Variants in CNTN3 observed in about 807,000 individuals in gnomAD.
CNTN3 encodes contactin 3.
A neutral mutation model predicts 119.1 loss-of-function variants in CNTN3; 60 were observed. The observed-to-expected ratio is 0.50, with a 90% CI of 0.41 to 0.62. CNTN3 has a LOEUF of 0.62. Ranked by LOEUF, CNTN3 falls within the 20% of genes least tolerant of loss-of-function variation. CNTN3 has a pLI of 0.00. For synonymous variants in CNTN3, 450 were observed against 438.7 expected (o/e 1.03, Z -0.32); for missense variants, 1,101 against 1,242.4 (o/e 0.89, Z 1.71).
At chr3:74,497,234 A>G (rs547878671) in intron 3 of CNTN3, among the ~76,000 whole-genome samples, 59 of 152,138 alleles carry the variant, frequency 3.9e-4, no homozygotes, top group Non-Finnish European at 7.1e-4. Flanking sequence ...TTGAAGGACA[A>G]TAAAAAAATA....
At chr3:74,276,383 A>G (rs918672360) in intron 20 of CNTN3, among the ~76,000 whole-genome samples, 3 of 152,160 alleles carry the variant, frequency 2.0e-5, no homozygotes, top group African/African-American at 7.2e-5. Flanking sequence ...AGACCAAATG[A>G]TAGGCTATGA....
At chr3:74,439,256 T>C (rs745931021) in intron 4 of CNTN3, among the ~76,000 whole-genome samples, 3 of 152,052 alleles carry the variant, frequency 2.0e-5, no homozygotes, top group Non-Finnish European at 4.4e-5. Flanking sequence ...CCTGTAGTCC[T>C]AGCACTTTGG....
chr3:74,601,334 C>T (rs1342640313), intron 1 of CNTN3, among the ~76,000 whole-genome samples: 1 of 151,998 alleles, frequency 6.6e-6, no homozygotes, highest in African/African-American at 2.4e-5. Flanking sequence ...GAATAAGAAG[C>T]ATACAGATTA....
intron 13 of CNTN3, among the ~76,000 whole-genome samples, chr3:74,312,974 T>C (rs1417461456): frequency 1.3e-5 from 2 of 150,130 alleles, no homozygotes; most frequent in South Asian, 2.1e-4. Context: ...AGCAGAGAGA[T>C]AGACATTCTA....
intron 5 of CNTN3, among the ~76,000 whole-genome samples, chr3:74,378,409 T>C (rs35021361): frequency 6.6e-6 from 1 of 152,204 alleles, no homozygotes. Context: ...TTATATATTG[T>C]ATGTTTCTTT....
At chr3:74,546,622 A>C (rs923587309) in intron 1 of CNTN3, among the ~76,000 whole-genome samples, 4 of 151,954 alleles carry the variant, frequency 2.6e-5, no homozygotes, top group African/African-American at 9.7e-5. Flanking sequence ...CAGCCTGTGG[A>C]CTCTTGGACT....
intron 4 of CNTN3, among the ~76,000 whole-genome samples, chr3:74,470,039 A>G (rs1157108357): frequency 6.6e-6 from 1 of 152,220 alleles, no homozygotes; most frequent in African/African-American, 2.4e-5. Flanking sequence ...GGAACGAAGT[A>G]CTGACACATG....
intron 11 of CNTN3, among the ~76,000 whole-genome samples, chr3:74,346,168 T>G (rs1458799791): frequency 6.6e-6 from 1 of 152,148 alleles, no homozygotes; most frequent in Non-Finnish European, 1.5e-5. Context: ...AAGTATAAGT[T>G]TATAAAATTA....
At chr3:74,456,206 GT>G (rs1175803520) in intron 4 of CNTN3, among the ~76,000 whole-genome samples, 1 of 146,374 alleles carries the variant, frequency 6.8e-6, no homozygotes, top group Non-Finnish European at 1.5e-5. Flanking sequence ...TGTTTTACAT[GT>G]GTATATATTA....
chr3:74,365,449 C>T, intron 9 of CNTN3, 117 bp downstream of exon 9: 1 of 1,319,156 alleles, frequency 7.6e-7, no homozygotes, highest in South Asian at 1.2e-5. Context: ...GGAAAGTGTG[C>T]AAACTCAACA....
chr3:74,394,212 C>A (rs1704987445), intron 5 of CNTN3, among the ~76,000 whole-genome samples: 1 of 151,980 alleles, frequency 6.6e-6, no homozygotes, highest in Non-Finnish European at 1.5e-5. Flanking sequence ...AAGGTGAAAA[C>A]TCAAAGGGTA....
At chr3:74,420,945 C>T (rs1280364018) in intron 5 of CNTN3, among the ~76,000 whole-genome samples, 1 of 152,172 alleles carries the variant, frequency 6.6e-6, no homozygotes, top group Non-Finnish European at 1.5e-5. Flanking sequence ...AGCAGGAAGT[C>T]TGGGCTCAAG....
At position 74,301,397 on chromosome 3, in the gene CNTN3, C is replaced by A; in HGVS notation, c.2095+1G>T. The A allele has an allele frequency of 1.9e-6, 3 of 1,613,134 alleles. No homozygotes were observed. Among genetic ancestry groups the A allele is most frequent in the Non-Finnish European group, 2.5e-6 (3 of 1,179,628 alleles). ...CATTACTCAGAAAAAAAAACACTAA[C>A]CTGCCTCTTCAGTTCTTACTTTTTC... On this transcript the variant is annotated splice_donor_variant, in intron 16 of 22. Coordinates refer to ENST00000263665, the MANE Select transcript of CNTN3 (RefSeq NM_020872.3). LOFTEE classifies it high-confidence loss of function.
intron 1 of CNTN3, among the ~76,000 whole-genome samples, chr3:74,611,492 G>A (rs892819395): frequency 6.6e-6 from 1 of 152,132 alleles, no homozygotes; most frequent in Non-Finnish European, 1.5e-5. Flanking sequence ...GAGTGCAGGG[G>A]AGACTATAAG....
intron 11 of CNTN3, among the ~76,000 whole-genome samples, chr3:74,344,355 TCCATCAA>T (rs911152690): frequency 6.7e-6 from 1 of 150,220 alleles, no homozygotes; most frequent in African/African-American, 2.4e-5. Flanking sequence ...TTTATTAATA[TCCATCAA>T]TATTTAAGTA....
intron 2 of CNTN3, among the ~76,000 whole-genome samples, chr3:74,512,667 T>C (rs1703386965): frequency 7.8e-6 from 1 of 127,774 alleles, no homozygotes; most frequent in Admixed American, 9.5e-5. Flanking sequence ...CTGAGTATTC[T>C]CATTTGTTTG....
chr3:74,271,995 A>G (rs1701787111), intron 20 of CNTN3, among the ~76,000 whole-genome samples: 1 of 152,184 alleles, frequency 6.6e-6, no homozygotes. Context: ...TTCGACGTCT[A>G]GGAATTTCCT....
At chr3:74,287,822 T>A (rs1446623578) in intron 19 of CNTN3, among the ~76,000 whole-genome samples, 2 of 152,218 alleles carry the variant, frequency 1.3e-5, no homozygotes, top group Non-Finnish European at 2.9e-5. Flanking sequence ...TGGTATGGAA[T>A]ATCTTTGCCT....
At chr3:74,541,760 T>C (rs550689454) in intron 1 of CNTN3, among the ~76,000 whole-genome samples, 1 of 152,326 alleles carries the variant, frequency 6.6e-6, no homozygotes, top group African/African-American at 2.4e-5. Context: ...GTATCATATA[T>C]TCTTTTGTAT....
Sources: gnomAD v4.1 joint callset for allele counts (sites outside exome capture counted in the v4.1 genomes callset) on GRCh38, gnomAD v4.1.1 for gene constraint, MANE v1.5 for transcripts, NCBI Gene and HGNC (gene_info 2026-07-23, HGNC 2026-07-21) for gene names.